TMEM185A: variants seen among roughly 807,000 people sequenced by gnomAD.
The protein encoded by TMEM185A is family with sequence similarity 11, member A.
TMEM185A carries 9 observed loss-of-function variants against 25.0 expected under a neutral mutation model. That is an observed-to-expected ratio of 0.36 (90% CI 0.22 to 0.63). The LOEUF (loss-of-function observed/expected upper bound fraction) is 0.63, where lower values mean the gene tolerates loss of function less well. TMEM185A is among the 20% of genes least tolerant of loss of function. TMEM185A has a pLI of 0.68. For synonymous variants in TMEM185A, 45 were observed against 93.5 expected, an observed-to-expected ratio of 0.48 and a Z score of 2.99; for missense variants, 103 against 237.4, an observed-to-expected ratio of 0.43 and a Z score of 3.72.
At chrX:149,618,102 G>T (rs2090119776) in intron 1 of TMEM185A, among the ~76,000 whole-genome samples, 1 of 111,326 alleles carries the variant, frequency 9.0e-6, no homozygotes, top group Non-Finnish European at 1.9e-5. Context: ...TTCTAATTGA[G>T]TATTATACTA....
intron 3 of TMEM185A, among the ~76,000 whole-genome samples, chrX:149,606,052 C>T (rs1470396442): frequency 8.9e-6 from 1 of 111,985 alleles, no homozygotes; most frequent in Non-Finnish European, 1.9e-5. Context: ...TTCTAAGTAG[C>T]CACTAGAAAA....
chrX:149,603,376 C>T (rs1199148635), intron 4 of TMEM185A, among the ~76,000 whole-genome samples: 1 of 110,191 alleles, frequency 9.1e-6, no homozygotes, highest in East Asian at 2.8e-4. Context: ...ATCAGCTCAC[C>T]TCGGCCTCCC....
chrX:149,604,197 A>G, intron 3 of TMEM185A, 127 bp from the exon 4 acceptor site: 1 of 454,423 alleles, frequency 2.2e-6, no homozygotes, highest in Non-Finnish European at 3.7e-6. Context: ...ATTATATTGC[A>G]CTGGAAACTC....
chrX:149,622,775 A>G (rs1352236454), intron 1 of TMEM185A, among the ~76,000 whole-genome samples: 1 of 112,422 alleles, frequency 8.9e-6, no homozygotes, highest in East Asian at 2.8e-4. Flanking sequence ...GACTTGGAAG[A>G]TTAATTTCCC....
chrX:149,603,006 T>C (rs1557352678), intron 4 of TMEM185A, among the ~76,000 whole-genome samples: 2 of 112,212 alleles, frequency 1.8e-5, no homozygotes, highest in African/African-American at 6.5e-5. Context: ...TGCAAAATTA[T>C]ACATCAAACA....
At chrX:149,604,581 G>A (rs1602857433) in intron 3 of TMEM185A, among the ~76,000 whole-genome samples, 2 of 110,754 alleles carry the variant, frequency 1.8e-5, no homozygotes, top group African/African-American at 6.6e-5. Flanking sequence ...TAGCAGCACA[G>A]AAATGACTCC....
chrX:149,608,732 C>A lies in TMEM185A; in HGVS notation c.318G>T (p.Glu106Asp). The change falls in exon 3 of 7, where the codon GAG (glutamate) becomes GAT (aspartate). Residue 106 changes from glutamate to aspartate, a missense_variant. Coordinates refer to ENST00000600449, the MANE Select transcript of TMEM185A (RefSeq NM_032508.4). ...CCAGGAGCCAGAAATGGCTTCCTCTCTCGATTCTGTCACAGACCAGAACTT... is the reference window on the plus strand; with the variant it reads ...CCAGGAGCCAGAAATGGCTTCCTCTATCGATTCTGTCACAGACCAGAACTT... ...MFEVLVCDRI[E>D]RGSHFWLLVF... is the part of the protein sequence containing the mutation. 1 of 1,211,856 alleles carries A rather than the reference C, an allele frequency of 8.3e-7. No homozygotes were observed. The highest frequency in any genetic ancestry group is 1.1e-6 in the Non-Finnish European group (1 of 895,456).
At position 149,608,795 on chromosome X, in the gene TMEM185A, C is replaced by A; in HGVS notation, c.255G>T (p.Leu85Phe). ...GETCVEFKAM[L>F]IAVGIHLLLL... ...AGAGCAAGTGGATGCCCACTGCAAT[C>A]AACATGGCTTTAAACTCCACACACG... The change falls in exon 3 of 7, where the codon TTG (leucine) becomes TTT (phenylalanine). Residue 85 changes from leucine to phenylalanine, a missense_variant. Physicochemically the swap from Leu to Phe is conservative, Grantham distance 22 (BLOSUM62 0). Transcript: ENST00000600449. 1 of 1,211,648 alleles carries A rather than the reference C, an allele frequency of 8.3e-7. No individual in the cohort carries two copies. Among genetic ancestry groups the A allele is most frequent in the Non-Finnish European group, 1.1e-6 (1 of 895,456 alleles).
At chrX:149,627,889 G>A (rs1602887869) in intron 1 of TMEM185A, among the ~76,000 whole-genome samples, 1 of 112,275 alleles carries the variant, frequency 8.9e-6, no homozygotes, top group Non-Finnish European at 1.9e-5. Flanking sequence ...ATAACTGTTA[G>A]AGGCCAGGTA....
intron 1 of TMEM185A, among the ~76,000 whole-genome samples, chrX:149,625,122 C>T (rs1032433312): frequency 8.9e-6 from 1 of 112,137 alleles, no homozygotes; most frequent in African/African-American, 3.2e-5. Context: ...GAGTTCGAGG[C>T]TTTTGTCTTA....
At chrX:149,614,983 T>C (rs1279055810) in intron 1 of TMEM185A, among the ~76,000 whole-genome samples, 5 of 112,341 alleles carry the variant, frequency 4.5e-5, no homozygotes, top group African/African-American at 1.6e-4. Flanking sequence ...TCCCAATTTA[T>C]TTTATGAAGC....
intron 1 of TMEM185A, among the ~76,000 whole-genome samples, chrX:149,625,337 C>A (rs1418782993): frequency 8.9e-6 from 1 of 112,371 alleles, no homozygotes; most frequent in Non-Finnish European, 1.9e-5. Flanking sequence ...TAATTCAGCA[C>A]CTCCAAATCC....
At chrX:149,613,551 T>G (rs1557354729) in intron 1 of TMEM185A, among the ~76,000 whole-genome samples, 1 of 111,924 alleles carries the variant, frequency 8.9e-6, no homozygotes, top group Non-Finnish European at 1.9e-5. Context: ...CCCTGGAGGC[T>G]CCAGAAAGGA....
Position 149,608,560 on chromosome X carries a change from A to C in TMEM185A, c.423+67T>G, listed in dbSNP as rs2090064737. The C allele has an allele frequency of 2.8e-6, 3 of 1,079,201 alleles. No individual in the cohort carries two copies. In the South Asian group the frequency reaches 5.8e-5, roughly 21 times the overall value. 88.9% of individuals were successfully genotyped at this position (1,079,201 alleles called of 1,213,427 possible). ...TGGCCAGGCTGGTCTCAAACTCCTG[A>C]CCTCAAGTGATCCACCTGCCTTGAC... is the stretch of plus-strand genomic sequence containing the variant. On this transcript the variant is annotated intron_variant, in intron 3 of 6. Transcript: ENST00000600449.
In TMEM185A at chrX:149,611,395, A is replaced by G. The variant is rs781888304; in HGVS notation, c.107T>C (p.Ile36Thr). The change falls in exon 2 of 7, where the codon ATA becomes ACA. Residue 36 changes from isoleucine to threonine, a missense_variant. Coordinates refer to ENST00000600449, the MANE Select transcript of TMEM185A (RefSeq NM_032508.4). ...VLLALRLDGI[I>T]QWSYWAVFAP... ...AAAGACAGCCCAGTAACTCCACTGT[A>G]TGATGCCATCCAAACGAAGGGCCAG... 1 of 1,211,709 alleles carries G rather than the reference A, an allele frequency of 8.3e-7. No homozygotes were observed. Among genetic ancestry groups the G allele is most frequent in the Non-Finnish European group, 1.1e-6 (1 of 895,430 alleles).
chrX:149,618,324 G>A (rs782417655), intron 1 of TMEM185A, among the ~76,000 whole-genome samples: 2 of 111,103 alleles, frequency 1.8e-5, no homozygotes, highest in South Asian at 3.8e-4. Context: ...GAGGAGGGTT[G>A]TAAGAAGACT....
At chrX:149,626,387 A>G (rs1557356017) in intron 1 of TMEM185A, among the ~76,000 whole-genome samples, 1 of 112,499 alleles carries the variant, frequency 8.9e-6, no homozygotes, top group Admixed American at 9.3e-5. Flanking sequence ...TATTTGCAGT[A>G]ACTATGTATT....
intron 1 of TMEM185A, among the ~76,000 whole-genome samples, chrX:149,621,578 C>T (rs1557355533): frequency 8.9e-6 from 1 of 111,887 alleles, no homozygotes; most frequent in Non-Finnish European, 1.9e-5. Flanking sequence ...AAAGCATAAA[C>T]CTAGTGGTTT....
intron 4 of TMEM185A, among the ~76,000 whole-genome samples, chrX:149,602,634 G>A (rs1240571216): frequency 1.8e-5 from 2 of 112,208 alleles, no homozygotes; most frequent in Non-Finnish European, 3.8e-5. Context: ...GAGGATGAAG[G>A]GCAGAAAAAA....
Sources: allele counts gnomAD v4.1 joint callset (sites outside exome capture counted in the v4.1 genomes callset), GRCh38; gene constraint gnomAD v4.1.1; transcripts MANE v1.5; gene names NCBI Gene and HGNC (gene_info 2026-07-23, HGNC 2026-07-21).